The following STARD13 variants were observed in gnomAD, a reference collection of about 807,000 sequenced individuals.
STARD13 encodes StAR related lipid transfer domain containing 13.
Under a neutral mutation model 106.4 loss-of-function variants are expected in STARD13, and 62 were observed. The ratio of observed to expected loss-of-function variants is 0.58; its 90% confidence interval spans 0.48 to 0.72. STARD13 has a LOEUF of 0.72. Among genes scored for constraint, STARD13 ranks in the 30% least tolerant of loss-of-function variants. The probability of loss-of-function intolerance (pLI) is 0.00; values close to 1 mark genes in which losing one functional copy is unlikely to be tolerated. For synonymous variants in STARD13, 565 were observed against 553.0 expected (o/e 1.02, Z -0.31); for missense variants, 1,387 against 1,424.0 (o/e 0.97, Z 0.42).
upstream of STARD13, among the ~76,000 whole-genome samples, chr13:33,288,940 C>T (rs1046941073): frequency 6.6e-6 from 1 of 152,018 alleles, no homozygotes; most frequent in African/African-American, 2.4e-5. Context: ...TAAATAAATT[C>T]TTTTTTGTGA....
At chr13:33,575,151 C>T in the STARD13 span, among the ~76,000 whole-genome samples, 5 of 151,936 alleles carry the variant, frequency 3.3e-5, no homozygotes, top group South Asian at 2.1e-4. Context: ...CTCCTGACCT[C>T]GTAACCTGCC....
rs1873549026 is a variant in STARD13 at position 33,105,315 on chromosome 13, G to T, written c.*278C>A. ...TTAGAAGCCTTTAAATAGCAAATTAGGCAATGCACAAGGAATAGTCCATTT... is the reference window on the plus strand; with the variant it reads ...TTAGAAGCCTTTAAATAGCAAATTATGCAATGCACAAGGAATAGTCCATTT... On this transcript the variant is annotated 3_prime_UTR_variant, in exon 14 of 14. Coordinates refer to ENST00000336934, the MANE Select transcript of STARD13 (RefSeq NM_178006.4). 1 of 365,904 alleles carries T rather than the reference G, an allele frequency of 2.7e-6. No individual in the cohort carries two copies. The highest frequency in any genetic ancestry group is 5.0e-6 in the Non-Finnish European group (1 of 200,138). The allele number at this position is 365,904 out of a possible 1,614,324, so 22.7% of individuals were successfully genotyped here. A position where few individuals can be genotyped will look rare whatever the true frequency, so the allele number is the denominator to read the frequency against.
At chr13:33,626,789 C>A in the STARD13 span, among the ~76,000 whole-genome samples, 1 of 152,214 alleles carries the variant, frequency 6.6e-6, no homozygotes, top group Non-Finnish European at 1.5e-5. Context: ...CAGCACACAT[C>A]CCAAATTCAG....
the STARD13 span, among the ~76,000 whole-genome samples, chr13:33,404,263 C>A: frequency 2.6e-5 from 4 of 152,198 alleles, no homozygotes; most frequent in South Asian, 6.2e-4. Flanking sequence ...TGGATTTCTG[C>A]TGGCATAAAT....
chr13:33,405,354 G>T, the STARD13 span, among the ~76,000 whole-genome samples: 1 of 152,222 alleles, frequency 6.6e-6, no homozygotes, highest in Non-Finnish European at 1.5e-5. Context: ...GGCTGAGTGT[G>T]TAGCCCCTCG....
the STARD13 span, among the ~76,000 whole-genome samples, chr13:33,422,749 A>G: frequency 2.6e-5 from 4 of 152,214 alleles, no homozygotes; most frequent in Admixed American, 2.0e-4. Context: ...AAACAGAGAT[A>G]TAGACCAATG....
chr13:33,308,825 G>A (rs1893027073), intron 1 of STARD13, among the ~76,000 whole-genome samples: 1 of 151,974 alleles, frequency 6.6e-6, no homozygotes, highest in Non-Finnish European at 1.5e-5. Flanking sequence ...CGCCCAGCCT[G>A]TTTTCTAATT....
chr13:33,122,226 C>T (rs568535553), intron 7 of STARD13, among the ~76,000 whole-genome samples: 17 of 152,322 alleles, frequency 1.1e-4, no homozygotes, highest in Non-Finnish European at 1.8e-4. Context: ...AAGTGATCTG[C>T]CCACCTCGGC....
the STARD13 span, among the ~76,000 whole-genome samples, chr13:33,448,444 T>C: frequency 6.6e-6 from 1 of 152,188 alleles, no homozygotes; most frequent in Admixed American, 6.5e-5. Flanking sequence ...AATATTCTTT[T>C]TTTATGGCTG....
chr13:33,139,378 T>A (rs1420312088), intron 4 of STARD13, among the ~76,000 whole-genome samples: 1 of 152,208 alleles, frequency 6.6e-6, no homozygotes, highest in Non-Finnish European at 1.5e-5. Flanking sequence ...GGACAAGGAA[T>A]AGTGCCTGGT....
the STARD13 span, among the ~76,000 whole-genome samples, chr13:33,414,375 C>T: frequency 5.3e-5 from 8 of 152,218 alleles, no homozygotes; most frequent in African/African-American, 1.9e-4. Flanking sequence ...TGATGATAGT[C>T]CCACTGTAAA....
At position 33,113,016 on chromosome 13, in the gene STARD13, C is replaced by T. The variant is rs1016269671; in HGVS notation, c.2282-85G>A. 2.5e-5 allele frequency: 24 copies of T among 962,858 alleles called. 1 individual carries two copies. The highest frequency in any genetic ancestry group is 2.1e-4 in the African/African-American group (13 of 61,332). The allele number at this position is 962,858 out of a possible 1,614,324, so 59.6% of individuals were successfully genotyped here. On this transcript the variant is annotated intron_variant, in intron 8 of 13. Transcript: ENST00000336934. ...AGCACTGTGTAAGCTCCACATTCCT[C>T]GTGTGAACACGCACCCAGAGTCATC...
chr13:33,234,902 A>G (rs898748956), intron 1 of STARD13, among the ~76,000 whole-genome samples: 3 of 152,246 alleles, frequency 2.0e-5, no homozygotes, highest in African/African-American at 7.2e-5. Context: ...CTTCTGCTAT[A>G]GAAATAAAAA....
At chr13:33,153,186 G>C (rs1190617461) in intron 3 of STARD13, among the ~76,000 whole-genome samples, 1 of 152,140 alleles carries the variant, frequency 6.6e-6, no homozygotes, top group Non-Finnish European at 1.5e-5. Context: ...AATGTTTATG[G>C]AAGTCCTGCT....
the STARD13 span, among the ~76,000 whole-genome samples, chr13:33,620,811 T>C: frequency 2.7e-5 from 4 of 150,714 alleles, no homozygotes; most frequent in African/African-American, 9.7e-5. Context: ...AGATAAAATA[T>C]AATAAAAAAT....
the STARD13 span, among the ~76,000 whole-genome samples, chr13:33,369,436 G>A: frequency 3.3e-5 from 5 of 152,060 alleles, no homozygotes; most frequent in Non-Finnish European, 7.4e-5. Flanking sequence ...TGCACTTGAC[G>A]TTAGTTACCA....
chr13:33,264,195 G>T (rs943125217), intron 1 of STARD13, among the ~76,000 whole-genome samples: 1 of 152,226 alleles, frequency 6.6e-6, no homozygotes, highest in Non-Finnish European at 1.5e-5. Flanking sequence ...TAGCCCGCAG[G>T]TCTTGCCAGC....
At chr13:33,634,688 A>G in the STARD13 span, among the ~76,000 whole-genome samples, 1 of 151,646 alleles carries the variant, frequency 6.6e-6, no homozygotes, top group Admixed American at 6.6e-5. Context: ...GTTTTGATAA[A>G]CACCGCCCTG....
intron 2 of STARD13, among the ~76,000 whole-genome samples, chr13:33,166,727 G>A (rs1883350617): frequency 6.6e-6 from 1 of 152,190 alleles, no homozygotes; most frequent in Admixed American, 6.5e-5. Flanking sequence ...CTGGGTGGTG[G>A]CTCACGCCTG....
Sources: allele counts gnomAD v4.1 joint callset (sites outside exome capture counted in the v4.1 genomes callset), GRCh38; gene constraint gnomAD v4.1.1; transcripts MANE v1.5; gene names NCBI Gene and HGNC (gene_info 2026-07-23, HGNC 2026-07-21).